The following MSL2 variants were observed in gnomAD, a reference collection of about 807,000 sequenced individuals.
MSL2 encodes E3 ubiquitin-protein ligase MSL2.
MSL2 carries 2 observed loss-of-function variants against 35.8 expected under a neutral mutation model. The observed-to-expected ratio is 0.06, with a 90% CI of 0.02 to 0.18. The LOEUF is 0.18. Among genes scored for constraint, MSL2 ranks in the 10% least tolerant of loss-of-function variants. The probability of loss-of-function intolerance (pLI) is 1.00; values close to 1 mark genes in which losing one functional copy is unlikely to be tolerated. For missense variants in MSL2, 523 were observed against 706.7 expected, an observed-to-expected ratio of 0.74 and a Z score of 2.95; for synonymous variants, 296 against 255.7, an observed-to-expected ratio of 1.16 and a Z score of -1.50.
At chr3:136,187,140 T>C (rs1940548667) in intron 1 of MSL2, among the ~76,000 whole-genome samples, 1 of 152,200 alleles carries the variant, frequency 6.6e-6, no homozygotes, top group African/African-American at 2.4e-5. Flanking sequence ...GAAAGCACTG[T>C]GCTAAACATA....
chr3:136,180,936 G>A (rs142293945), intron 1 of MSL2, among the ~76,000 whole-genome samples: 125 of 151,636 alleles, frequency 8.2e-4, no homozygotes, highest in African/African-American at 2.7e-3. Flanking sequence ...TGGATCATCT[G>A]AGGTCAGAAG....
chr3:136,195,331 A>G lies in MSL2; in HGVS notation c.-218T>C, dbSNP rs907781937. The G allele has an allele frequency of 6.7e-6, 9 of 1,345,372 alleles. No homozygotes were observed. The African/African-American group carries it at 1.2e-4, about 18-fold the overall frequency. 83.3% of individuals were successfully genotyped at this position (1,345,372 alleles called of 1,614,324 possible). The stretch of plus-strand genomic sequence containing the variant: ...GCCCCTCCGTCCCTGAGACTTCCAG[A>G]CCAAAAATATGAGAGAGAAACCAGC... On this transcript the variant is annotated 5_prime_UTR_variant, in exon 1 of 2. Transcript: ENST00000309993.
intron 1 of MSL2, 150 bp from the exon 2 acceptor site, chr3:136,152,888 G>C: frequency 7.0e-7 from 1 of 1,431,716 alleles, no homozygotes; most frequent in Non-Finnish European, 9.1e-7. Context: ...TAGAAGAAAC[G>C]GAAGAATCTT....
intron 1 of MSL2, among the ~76,000 whole-genome samples, chr3:136,166,748 C>CATA (rs764170510): frequency 7.2e-5 from 11 of 152,178 alleles, no homozygotes; most frequent in Non-Finnish European, 1.2e-4. Context: ...CGTCTCTATA[C>CATA]AAGAGATGAG....
chr3:136,176,453 T>C (rs1353029759), intron 1 of MSL2, among the ~76,000 whole-genome samples: 7 of 147,548 alleles, frequency 4.7e-5, no homozygotes, highest in African/African-American at 1.8e-4. Context: ...AGGTTGAAGC[T>C]GTATTGAGCC....
chr3:136,165,207 CAAAA>C (rs371730438), intron 1 of MSL2, among the ~76,000 whole-genome samples: 31 of 59,326 alleles, frequency 5.2e-4, no homozygotes, highest in African/African-American at 1.2e-3. Flanking sequence ...AAGTTCGTGA[CAAAA>C]AAAAAAAAAA....
At chr3:136,174,252 A>G (rs1940106883) in intron 1 of MSL2, among the ~76,000 whole-genome samples, 2 of 152,240 alleles carry the variant, frequency 1.3e-5, no homozygotes, top group Non-Finnish European at 2.9e-5. Context: ...TGACCTTGGT[A>G]ATCACTTGTT....
intron 1 of MSL2, among the ~76,000 whole-genome samples, chr3:136,164,348 T>C (rs745780404): frequency 1.5e-4 from 23 of 152,314 alleles, no homozygotes; most frequent in Non-Finnish European, 2.8e-4. Flanking sequence ...TGCCAACTGT[T>C]GAGAAATGAA....
chr3:136,189,197 G>C (rs964095090), intron 1 of MSL2, among the ~76,000 whole-genome samples: 1 of 142,962 alleles, frequency 7.0e-6, no homozygotes, highest in African/African-American at 2.6e-5. Context: ...CTAATTGAAA[G>C]GCTGAGGTGG....
intron 1 of MSL2, among the ~76,000 whole-genome samples, chr3:136,161,999 G>A (rs752621727): frequency 1.4e-4 from 21 of 151,782 alleles, no homozygotes; most frequent in Non-Finnish European, 2.6e-4. Flanking sequence ...GCACAGTGGC[G>A]TGATCTCGGC....
intron 1 of MSL2, among the ~76,000 whole-genome samples, chr3:136,159,439 C>T (rs187510114): frequency 2.0e-3 from 276 of 141,140 alleles, no homozygotes; most frequent in Non-Finnish European, 3.7e-3. Context: ...TCTCGGCTCA[C>T]TGCAAGCTCC....
chr3:136,188,250 A>G (rs1424348463), intron 1 of MSL2, among the ~76,000 whole-genome samples: 3 of 152,148 alleles, frequency 2.0e-5, no homozygotes, highest in Non-Finnish European at 2.9e-5. Context: ...CCTGGCCAAC[A>G]TGGTGAAACT....
At position 136,196,268 on chromosome 3, in the gene MSL2, C is replaced by G. The variant is rs1363055496; in HGVS notation, c.-1155G>C. On this transcript the variant is annotated 5_prime_UTR_variant, in exon 1 of 2. Transcript: ENST00000309993. ...GCGGCGACGACGACCGTTACCCCAA[C>G]GGGCAAAGCCACTGTCATCCCCGAG... The G allele has an allele frequency of 6.5e-6, 1 of 152,836 alleles. No individual in the cohort carries two copies. Among genetic ancestry groups the G allele is most frequent in the Non-Finnish European group, 1.5e-5 (1 of 68,602 alleles). 9.5% of individuals were successfully genotyped at this position (152,836 alleles called of 1,614,324 possible).
chr3:136,190,824 C>T (rs1940665711), intron 1 of MSL2, among the ~76,000 whole-genome samples: 1 of 152,136 alleles, frequency 6.6e-6, no homozygotes, highest in African/African-American at 2.4e-5. Context: ...AGCGAGAAAT[C>T]GACACTTAAA....
chr3:136,172,164 A>G (rs1307952460), intron 1 of MSL2, among the ~76,000 whole-genome samples: 1 of 151,828 alleles, frequency 6.6e-6, no homozygotes, highest in Non-Finnish European at 1.5e-5. Context: ...TGAAAGCTTG[A>G]ATATTTCTAC....
chr3:136,181,354 T>C (rs1940356322), intron 1 of MSL2, among the ~76,000 whole-genome samples: 1 of 152,110 alleles, frequency 6.6e-6, no homozygotes, highest in African/African-American at 2.4e-5. Flanking sequence ...ATATGAAACC[T>C]TCATGACAGA....
rs887575842 is a variant in MSL2, at chr3:136,149,705, T to C, written c.*1442A>G. The C allele has an allele frequency of 6.6e-6, 1 of 152,192 alleles. No individual in the cohort carries two copies. The highest frequency in any genetic ancestry group is 1.5e-5 in the Non-Finnish European group (1 of 68,038). The allele number at this position is 152,192 out of a possible 1,614,324, so 9.4% of individuals were successfully genotyped here. On this transcript the variant is annotated 3_prime_UTR_variant, in exon 2 of 2. Transcript: ENST00000309993. ...AAACAGAAGGAGGTGTCATCTGCTCTGTGTCCAAAGGTTTCTTCTCCATGT... is the reference window on the plus strand; with the variant it reads ...AAACAGAAGGAGGTGTCATCTGCTCCGTGTCCAAAGGTTTCTTCTCCATGT...
In MSL2 at chr3:136,195,704, G is replaced by C; in HGVS notation, c.-591C>G. 2 of 985,322 alleles carry C rather than the reference G, an allele frequency of 2.0e-6. No individual in the cohort carries two copies. The highest frequency in any genetic ancestry group is 9.4e-5 in the South Asian group (2 of 21,304). The allele number at this position is 985,322 out of a possible 1,614,324, so 61.0% of individuals were successfully genotyped here. ...AAGGTTGATGTTGCGGCTGGCGGACGCCGCCGCCGCGCTCTCCATATCGGA... is the reference window on the plus strand; with the variant it reads ...AAGGTTGATGTTGCGGCTGGCGGACCCCGCCGCCGCGCTCTCCATATCGGA... On this transcript the variant is annotated 5_prime_UTR_variant, in exon 1 of 2. Coordinates refer to ENST00000309993, the MANE Select transcript of MSL2 (RefSeq NM_018133.4).
intron 1 of MSL2, chr3:136,155,686 T>C: frequency 2.0e-6 from 1 of 491,794 alleles, no homozygotes; most frequent in Non-Finnish European, 4.1e-6. Flanking sequence ...ACCTGCTGCC[T>C]GAATGGGGGG....
Sources: allele counts gnomAD v4.1 joint callset (sites outside exome capture counted in the v4.1 genomes callset), GRCh38; gene constraint gnomAD v4.1.1; transcripts MANE v1.5; gene names NCBI Gene and HGNC (gene_info 2026-07-23, HGNC 2026-07-21).